TARBP1: variants seen among roughly 807,000 people sequenced by gnomAD.
The protein encoded by TARBP1 is tRNA (guanosine(18)-2'-O)-methyltransferase TARBP1.
A neutral mutation model predicts 178.6 loss-of-function variants in TARBP1; 144 were observed. The ratio of observed to expected loss-of-function variants is 0.81; its 90% CI spans 0.70 to 0.93. The LOEUF is 0.93. Among genes scored for constraint, TARBP1 ranks in the 40% least tolerant of loss-of-function variants. The probability of loss-of-function intolerance (pLI) is 0.00; values close to 1 mark genes in which losing one functional copy is unlikely to be tolerated. For missense variants in TARBP1, 2,067 were observed against 2,011.7 expected, an observed-to-expected ratio of 1.03 and a Z score of -0.53; for synonymous variants, 787 against 781.0, an observed-to-expected ratio of 1.01 and a Z score of -0.13.
At chr1:234,412,513 A>C (rs1418660015) in intron 22 of TARBP1, among the ~76,000 whole-genome samples, 1 of 152,038 alleles carries the variant, frequency 6.6e-6, no homozygotes, top group African/African-American at 2.4e-5. Flanking sequence ...AAAAATTTAA[A>C]AATAAATTGG....
At chr1:234,472,979 A>ATTT (rs34245359) in intron 1 of TARBP1, among the ~76,000 whole-genome samples, 168 bp from the exon 2 acceptor site, 38 of 151,356 alleles carry the variant, frequency 2.5e-4, no homozygotes, top group African/African-American at 6.8e-4. Context: ...TCAGAGGGAG[A>ATTT]TTTTTTTTTG....
At chr1:234,433,177 G>A (rs578102333) in intron 14 of TARBP1, among the ~76,000 whole-genome samples, 26 of 152,300 alleles carry the variant, frequency 1.7e-4, no homozygotes, top group African/African-American at 5.8e-4. Flanking sequence ...GGTGGAGGTT[G>A]CAGTGAGCCA....
intron 20 of TARBP1, among the ~76,000 whole-genome samples, chr1:234,424,304 T>C (rs1279197424): frequency 2.6e-5 from 4 of 152,234 alleles, no homozygotes; most frequent in Non-Finnish European, 4.4e-5. Flanking sequence ...TGCTCAACTC[T>C]ACCCCTTCCT....
Position 234,391,619 on chromosome 1 carries a change from G to T in TARBP1, c.4824C>A (p.Tyr1608Ter). The change falls in exon 30 of 30, where the codon TAC (tyrosine) becomes TAA (stop). Residue 1608 changes from tyrosine to a stop codon, truncating the protein, a stop_gained. Coordinates refer to ENST00000040877, the MANE Select transcript of TARBP1 (RefSeq NM_005646.4). LOFTEE classifies it low-confidence loss of function (END_TRUNC). ...HVSGALLIWEYTRQQLLSHGD... is the reference protein window; with the variant it reads ...HVSGALLIWE ...CGTGCGAGAGCAGCTGCTGCCTGGT[G>T]TACTCCCAGATCAGCAGGGCTCCAC... The T allele has an allele frequency of 6.2e-7, 1 of 1,613,534 alleles. No homozygotes were observed. Among genetic ancestry groups the T allele is most frequent in the South Asian group, 1.1e-5 (1 of 91,000 alleles).
At position 234,427,364 on chromosome 1, in the gene TARBP1, G is replaced by A; in HGVS notation, c.3276C>T (p.Phe1092=). Residue 1092 remains phenylalanine (F), a synonymous_variant, in exon 19 of 30, where the codon TTC becomes TTT. Transcript: ENST00000040877. ...DQRLVQDVQT[F]IENLGHDCAA... ...CACAGTCATGTCCAAGGTTTTCTAT[G>A]AAGGTCTGTACATCCTGAACAAGTC... 6.2e-7 allele frequency: 1 copy of A among 1,611,910 alleles called. No individual in the cohort carries two copies. Among genetic ancestry groups the A allele is most frequent in the Non-Finnish European group, 8.5e-7 (1 of 1,178,986 alleles).
chr1:234,460,506 T>C (rs748387189), intron 6 of TARBP1, 110 bp from the exon 7 acceptor site: 10 of 1,097,578 alleles, frequency 9.1e-6, no homozygotes, highest in Non-Finnish European at 1.3e-5. Context: ...AAGGCTCCAC[T>C]TCCCACACAC....
intron 15 of TARBP1, 83 bp from the exon 16 acceptor site, chr1:234,429,760 AAGG>A: frequency 2.9e-5 from 21 of 714,280 alleles, no homozygotes; most frequent in Non-Finnish European, 3.5e-5. Context: ...ATCCTTTCTA[AAGG>A]TGGGGGGGGG....
At chr1:234,460,726 A>G (rs551577296) in intron 6 of TARBP1, among the ~76,000 whole-genome samples, 2 of 152,362 alleles carry the variant, frequency 1.3e-5, no homozygotes, top group South Asian at 4.1e-4. Flanking sequence ...ATGTGTTCAT[A>G]CAGAAACTTG....
chr1:234,408,816 T>C (rs954994043), intron 23 of TARBP1, among the ~76,000 whole-genome samples: 12 of 152,210 alleles, frequency 7.9e-5, no homozygotes, highest in Non-Finnish European at 1.6e-4. Flanking sequence ...TGAGTACTAA[T>C]AAGACTCCAG....
chr1:234,448,051 G>A (rs1282476493), intron 11 of TARBP1, among the ~76,000 whole-genome samples: 2 of 152,062 alleles, frequency 1.3e-5, no homozygotes, highest in Admixed American at 6.6e-5. Context: ...TGATCTTCCC[G>A]CCTTAGCCTC....
At chr1:234,414,697 A>T (rs182766112) in intron 22 of TARBP1, among the ~76,000 whole-genome samples, 1 of 152,238 alleles carries the variant, frequency 6.6e-6, no homozygotes, top group African/African-American at 2.4e-5. Context: ...GGATGTGAAA[A>T]AATAAGGCTG....
At chr1:234,401,571 G>C (rs1002881215) in intron 24 of TARBP1, among the ~76,000 whole-genome samples, 1 of 152,154 alleles carries the variant, frequency 6.6e-6, no homozygotes, top group African/African-American at 2.4e-5. Context: ...ATGCAGCCAA[G>C]TTGTACCTAC....
rs1558192704 is a variant in TARBP1 at position 234,429,409 on chromosome 1, ATCTT to A, written c.2871+3_2871+6del. 1.2e-6 allele frequency: 2 copies of A among 1,607,454 alleles called. No homozygotes were observed. Among genetic ancestry groups the A allele is most frequent in the East Asian group, 2.2e-5 (1 of 44,846 alleles). ...TACTGTTCAATTCATGTTTCACTCTATCTTACCTTGGGAACCAACACTTTCAAGC... is the reference window on the plus strand; with the variant it reads ...TACTGTTCAATTCATGTTTCACTCTAACCTTGGGAACCAACACTTTCAAGC... On this transcript the variant is annotated splice_donor_5th_base_variant and intron_variant, in intron 16 of 29. Transcript: ENST00000040877.
chr1:234,452,022 G>A (rs921036080), intron 9 of TARBP1, among the ~76,000 whole-genome samples: 2 of 152,080 alleles, frequency 1.3e-5, no homozygotes, highest in African/African-American at 4.8e-5. Context: ...GAGGCTTTTC[G>A]AATCTTGTAT....
chr1:234,460,754 C>T (rs1250828716), intron 6 of TARBP1, among the ~76,000 whole-genome samples: 1 of 152,180 alleles, frequency 6.6e-6, no homozygotes, highest in Non-Finnish European at 1.5e-5. Flanking sequence ...ACATTCATAA[C>T]AGCATTACTC....
intron 12 of TARBP1, among the ~76,000 whole-genome samples, chr1:234,441,481 G>C (rs1665590779): frequency 6.6e-6 from 1 of 152,108 alleles, no homozygotes; most frequent in African/African-American, 2.4e-5. Flanking sequence ...TAGATCAAAA[G>C]AACAGAATAG....
intron 9 of TARBP1, 146 bp from the exon 10 acceptor site, chr1:234,450,712 T>G (rs899477962): frequency 1.1e-6 from 1 of 905,732 alleles, no homozygotes; most frequent in Non-Finnish European, 1.6e-6. Context: ...CTATCATACT[T>G]GAGTTCCACA....
At chr1:234,423,490 C>A (rs1480879432) in intron 20 of TARBP1, among the ~76,000 whole-genome samples, 1 of 152,210 alleles carries the variant, frequency 6.6e-6, no homozygotes, top group African/African-American at 2.4e-5. Context: ...TACTCACTGT[C>A]TCCACTCGCT....
intron 10 of TARBP1, among the ~76,000 whole-genome samples, chr1:234,450,128 G>C (rs1300397581): frequency 6.6e-6 from 1 of 151,804 alleles, no homozygotes; most frequent in Non-Finnish European, 1.5e-5. Flanking sequence ...AGTTCACAAG[G>C]ACCCAGTAAT....
Sources: gnomAD v4.1 joint callset for allele counts (sites outside exome capture counted in the v4.1 genomes callset) on GRCh38, gnomAD v4.1.1 for gene constraint, MANE v1.5 for transcripts, NCBI Gene and HGNC (gene_info 2026-07-23, HGNC 2026-07-21) for gene names.